MTCL2: variants seen among roughly 807,000 people sequenced by gnomAD.
MTCL2 encodes the protein microtubule crosslinking factor 2.
chr20:36,817,555 G>T, the MTCL2 span: 1 of 1,371,376 alleles, frequency 7.3e-7, no homozygotes, highest in Non-Finnish European at 9.8e-7. Context: ...CTGTCACAGT[G>T]CCCAGGGTCC....
At chr20:36,857,186 C>A in the MTCL2 span, among the ~76,000 whole-genome samples, 2 of 152,134 alleles carry the variant, frequency 1.3e-5, no homozygotes, top group African/African-American at 4.8e-5. Flanking sequence ...TACATGTGTA[C>A]TTCTGATAAG....
the MTCL2 span, chr20:36,862,577 G>C: frequency 6.1e-6 from 8 of 1,317,784 alleles, no homozygotes; most frequent in Non-Finnish European, 7.9e-6. Flanking sequence ...GTGGGAAGGA[G>C]GGCCGGCTGG....
chr20:36,827,268 G>C, the MTCL2 span, among the ~76,000 whole-genome samples: 8 of 151,500 alleles, frequency 5.3e-5, no homozygotes, highest in African/African-American at 1.9e-4. Context: ...GGCCAGGCTG[G>C]TCTTGAACTC....
the MTCL2 span, among the ~76,000 whole-genome samples, chr20:36,841,455 C>T: frequency 7.3e-6 from 1 of 136,330 alleles, no homozygotes; most frequent in East Asian, 1.9e-4. Context: ...TCAGGGAGGC[C>T]ATCTCTACAA....
At chr20:36,809,631 A>G in the MTCL2 span, among the ~76,000 whole-genome samples, 1 of 148,026 alleles carries the variant, frequency 6.8e-6, no homozygotes, top group Non-Finnish European at 1.5e-5. Context: ...GCTAGAATAC[A>G]GTGGGATGAT....
chr20:36,849,060 C>CTTTTTTTTTTTTTTTTTTTTTTT, the MTCL2 span, among the ~76,000 whole-genome samples: 4 of 62,238 alleles, frequency 6.4e-5, no homozygotes, highest in Non-Finnish European at 8.1e-5. Flanking sequence ...AGTTGGTTTC[C>CTTTTTTTTTTTTTTTTTTTTTTT]TTTTTTTTTT....
the MTCL2 span, chr20:36,794,596 G>C: frequency 2.5e-6 from 4 of 1,613,954 alleles, no homozygotes; most frequent in Non-Finnish European, 3.4e-6. The surrounding 1 kb of genome is among the most constrained non-coding windows in gnomAD (Gnocchi z 5.4). Context: ...AAACAGATTT[G>C]GTTCTGCGAA....
chr20:36,856,628 C>T, the MTCL2 span, among the ~76,000 whole-genome samples: 2 of 152,208 alleles, frequency 1.3e-5, no homozygotes, highest in Non-Finnish European at 2.9e-5. Context: ...TCAAGACCTA[C>T]CACCCCCATC....
chr20:36,842,446 T>C, the MTCL2 span, among the ~76,000 whole-genome samples: 1 of 152,318 alleles, frequency 6.6e-6, no homozygotes, highest in African/African-American at 2.4e-5. Context: ...ACTCTTAATG[T>C]GACCGAATGA....
chr20:36,860,305 G>A, the MTCL2 span, among the ~76,000 whole-genome samples: 2 of 152,106 alleles, frequency 1.3e-5, no homozygotes, highest in African/African-American at 2.4e-5. Context: ...CCCCACCTTC[G>A]TGTGCTCCTG....
chr20:36,794,353 C>T, the MTCL2 span: 210 of 1,600,572 alleles, frequency 1.3e-4, no homozygotes, highest in East Asian at 2.6e-3. This position sits in a 1 kb window ranked among gnomAD's most constrained non-coding sequence, Gnocchi z 5.4. Context: ...TGTCAGGAGC[C>T]GTGTAGCTGC....
At chr20:36,816,242 C>A in the MTCL2 span, 1 of 1,612,162 alleles carries the variant, frequency 6.2e-7, no homozygotes, top group Non-Finnish European at 8.5e-7. Flanking sequence ...TAGTGAGCTT[C>A]TTGCACATGA....
the MTCL2 span, chr20:36,794,637 A>G: frequency 6.2e-7 from 1 of 1,613,442 alleles, no homozygotes; most frequent in Non-Finnish European, 8.5e-7. This position sits in a 1 kb window ranked among gnomAD's most constrained non-coding sequence, Gnocchi z 5.4. Context: ...TTATTAGTGG[A>G]AATAACACTG....
At chr20:36,791,600 G>A in the MTCL2 span, among the ~76,000 whole-genome samples, 2 of 152,280 alleles carry the variant, frequency 1.3e-5, no homozygotes, top group East Asian at 3.9e-4. Flanking sequence ...TGGACCAAGG[G>A]GTACACTCGC....
the MTCL2 span, among the ~76,000 whole-genome samples, chr20:36,859,038 G>A: frequency 5.3e-5 from 8 of 152,298 alleles, no homozygotes; most frequent in East Asian, 5.8e-4. Flanking sequence ...TGATCCGCCC[G>A]CCTTGGCCTC....
the MTCL2 span, chr20:36,863,165 G>A: frequency 1.5e-6 from 2 of 1,356,780 alleles, no homozygotes; most frequent in South Asian, 1.6e-5. The surrounding 1 kb of genome is among the most constrained non-coding windows in gnomAD (Gnocchi z 6.2). Context: ...CGCTGCAGGC[G>A]ACTGCTGAGC....
At chr20:36,863,326 C>T in the MTCL2 span, 2 of 1,177,108 alleles carry the variant, frequency 1.7e-6, no homozygotes, top group Non-Finnish European at 2.1e-6. This position sits in a 1 kb window ranked among gnomAD's most constrained non-coding sequence, Gnocchi z 6.2. Flanking sequence ...ACCGGGGGCT[C>T]GGCCGCCGGC....
At chr20:36,849,250 C>T in the MTCL2 span, among the ~76,000 whole-genome samples, 3 of 150,932 alleles carry the variant, frequency 2.0e-5, no homozygotes, top group Admixed American at 6.6e-5. Flanking sequence ...TTAGTAGAGA[C>T]GGGGTTTCGC....
the MTCL2 span, chr20:36,793,568 G>T: frequency 1.1e-5 from 17 of 1,551,620 alleles, no homozygotes; most frequent in Non-Finnish European, 1.5e-5. The surrounding 1 kb of genome is among the most constrained non-coding windows in gnomAD (Gnocchi z 6.8). Flanking sequence ...GACAGACTCC[G>T]TGCTCCCTGA....
Sources: allele counts gnomAD v4.1 joint callset (sites outside exome capture counted in the v4.1 genomes callset), GRCh38; gene constraint gnomAD v4.1.1; non-coding constraint Gnocchi (gnomAD v3.1); transcripts MANE v1.5; gene names NCBI Gene and HGNC (gene_info 2026-07-23, HGNC 2026-07-21).